The following PIAS1 variants were observed in gnomAD, a reference collection of about 807,000 sequenced individuals.
The protein encoded by PIAS1 is protein inhibitor of activated STAT 1.
Under a neutral mutation model 71.3 loss-of-function variants are expected in PIAS1, and 6 were observed. The observed-to-expected ratio is 0.08, with a 90% confidence interval of 0.05 to 0.17. The LOEUF (loss-of-function observed/expected upper bound fraction) is 0.17, where lower values mean the gene tolerates loss of function less well. PIAS1 is among the 10% of genes least tolerant of loss of function. The pLI is 1.00. For synonymous variants in PIAS1, 303 were observed against 292.9 expected, an observed-to-expected ratio of 1.03 and a Z score of -0.35; for missense variants, 555 against 793.6, an observed-to-expected ratio of 0.70 and a Z score of 3.61.
Position 68,118,378 on chromosome 15 carries a change from C to T in PIAS1, c.470-23568C>T, listed in dbSNP as rs183464889. On this transcript the variant is annotated intron_variant, in intron 2 of 13. Transcript: ENST00000249636. ...AAGAGTCACAGTCTTGCTCTGTCTC[C>T]GAGGCTAGAGTGCGGTGGCACAATC... is the stretch of plus-strand genomic sequence containing the variant. Among the ~76,000 whole-genome samples the T allele has an allele frequency of 3.9e-3, 591 of 152,052 alleles. 6 individuals are homozygous for T. Among genetic ancestry groups the T allele is most frequent in the African/African-American group, 0.013 (545 of 41,504 alleles).
chr15:68,158,830 G>A (rs2092907127), intron 7 of PIAS1, among the ~76,000 whole-genome samples: 1 of 152,168 alleles, frequency 6.6e-6, no homozygotes, highest in South Asian at 2.1e-4. Flanking sequence ...CAGAACACCA[G>A]TAATAGAACA....
chr15:68,098,634 A>G (rs2092397805), intron 2 of PIAS1, among the ~76,000 whole-genome samples: 1 of 152,178 alleles, frequency 6.6e-6, no homozygotes, highest in African/African-American at 2.4e-5. Flanking sequence ...TTTCACCCTT[A>G]TTTCAGTCAC....
intron 1 of PIAS1, among the ~76,000 whole-genome samples, chr15:68,078,352 C>T (rs751436477): frequency 6.6e-6 from 1 of 152,146 alleles, no homozygotes; most frequent in Non-Finnish European, 1.5e-5. Context: ...ATAAATCCTG[C>T]GTGTTGCCAT....
chr15:68,065,338 A>G (rs1370704966), intron 1 of PIAS1, among the ~76,000 whole-genome samples: 21 of 152,144 alleles, frequency 1.4e-4, no homozygotes. Flanking sequence ...CTGTAATTCC[A>G]GTGCTTTGGG....
intron 11 of PIAS1, 59 bp downstream of exon 11, chr15:68,176,713 G>T (rs879854019): frequency 8.9e-6 from 10 of 1,126,198 alleles, no homozygotes; most frequent in South Asian, 1.7e-5. Context: ...GGCAAATAGG[G>T]ATTAAAGACT....
chr15:68,055,872 A>G (rs1263216545), intron 1 of PIAS1: 1 of 699,192 alleles, frequency 1.4e-6, no homozygotes, highest in Non-Finnish European at 2.6e-6. Flanking sequence ...CTTTTCTCCT[A>G]ATAACTTCAC....
chr15:68,060,292 C>T (rs1051960138), intron 1 of PIAS1, among the ~76,000 whole-genome samples: 6 of 152,044 alleles, frequency 3.9e-5, no homozygotes, highest in Admixed American at 6.6e-5. Context: ...TGAGCCACCA[C>T]GCCCAGCTGA....
rs188663730 is a variant in PIAS1, at chr15:68,070,593, G to C, written c.25-15713G>C. Among the ~76,000 whole-genome samples, 8 of 152,140 alleles carry C rather than the reference G, an allele frequency of 5.3e-5. 1 individual carries two copies. The highest frequency in any genetic ancestry group is 4.6e-4 in the Admixed American group (7 of 15,276). ...TACTATGGCCACTAGTTCTGTGTGG[G>C]TATTGAGAACTTGAAATATGGTTAG... On this transcript the variant is annotated intron_variant, in intron 1 of 13. Coordinates refer to ENST00000249636, the MANE Select transcript of PIAS1 (RefSeq NM_016166.3).
At chr15:68,161,120 A>G (rs1193283510) in intron 7 of PIAS1, among the ~76,000 whole-genome samples, 1 of 152,250 alleles carries the variant, frequency 6.6e-6, no homozygotes, top group African/African-American at 2.4e-5. Context: ...TAGAGAATGC[A>G]TGGTCAATAT....
chr15:68,103,332 C>CT lies in PIAS1; in HGVS notation c.469+16595dup, dbSNP rs11306018. On this transcript the variant is annotated intron_variant, in intron 2 of 13. Coordinates refer to ENST00000249636, the MANE Select transcript of PIAS1 (RefSeq NM_016166.3). ...ATCTACCATGTTTTGTATTATTATC[C>CT]TTTTTTTTTTTTTAAGCTTTTCGTT... Among the ~76,000 whole-genome samples the CT allele has an allele frequency of 5.0e-3, 728 of 146,016 alleles. 1 individual carries two copies. The highest frequency in any genetic ancestry group is 0.017 in the African/African-American group (660 of 39,706).
chr15:68,182,462 CGGA>C (rs2093060323), intron 12 of PIAS1, among the ~76,000 whole-genome samples: 1 of 81,734 alleles, frequency 1.2e-5, no homozygotes, highest in African/African-American at 4.4e-5. Flanking sequence ...GTGTGTGTGT[CGGA>C]GTTTTGCTCT....
chr15:68,152,132 G>A (rs180817346), intron 6 of PIAS1, among the ~76,000 whole-genome samples: 146 of 151,364 alleles, frequency 9.6e-4, no homozygotes, highest in Non-Finnish European at 1.8e-3. Flanking sequence ...TGTATTTTTA[G>A]TAGAGACGGG....
Position 68,158,116 on chromosome 15 carries a change from C to T in PIAS1, c.934+4421C>T, listed in dbSNP as rs561219961. On this transcript the variant is annotated intron_variant, in intron 7 of 13. Coordinates refer to ENST00000249636, the MANE Select transcript of PIAS1 (RefSeq NM_016166.3). ...TCCCTTGCATTTCATGGCTTCTTAA[C>T]ACCAAGGGAATAAAAACTCCAAGTA... Among the ~76,000 whole-genome samples, 5 of 152,310 alleles carry T rather than the reference C, an allele frequency of 3.3e-5. No homozygotes were observed. The South Asian group carries it at 8.3e-4, about 25-fold the overall frequency.
chr15:68,177,554 A>G (rs984389807), intron 11 of PIAS1, among the ~76,000 whole-genome samples: 1 of 152,192 alleles, frequency 6.6e-6, no homozygotes, highest in Non-Finnish European at 1.5e-5. Flanking sequence ...CATTAGTCTT[A>G]TATCAATAAC....
At chr15:68,133,601 T>G (rs1466451098) in intron 2 of PIAS1, among the ~76,000 whole-genome samples, 1 of 152,122 alleles carries the variant, frequency 6.6e-6, no homozygotes, top group Non-Finnish European at 1.5e-5. Context: ...AGCACACATA[T>G]CCATAGGGAA....
intron 6 of PIAS1, among the ~76,000 whole-genome samples, chr15:68,148,257 C>A (rs187628059): frequency 6.6e-6 from 1 of 151,994 alleles, no homozygotes; most frequent in African/African-American, 2.4e-5. Context: ...AGGAAACTAC[C>A]CACACAACAG....
chr15:68,131,441 T>G (rs927082209), intron 2 of PIAS1, among the ~76,000 whole-genome samples: 2 of 151,634 alleles, frequency 1.3e-5, no homozygotes, highest in Non-Finnish European at 2.9e-5. Flanking sequence ...TTTAAAATGT[T>G]ACTAGCTATG....
chr15:68,146,844 CA>C, intron 6 of PIAS1, 144 bp downstream of exon 6: 1 of 707,846 alleles, frequency 1.4e-6, no homozygotes, highest in East Asian at 2.5e-5. Context: ...AACATGTTTC[CA>C]TTTGAAAAAT....
chr15:68,060,641 AAAAC>A (rs1290151043), intron 1 of PIAS1, among the ~76,000 whole-genome samples: 1 of 152,214 alleles, frequency 6.6e-6, no homozygotes, highest in Non-Finnish European at 1.5e-5. Flanking sequence ...AATCCCCCAA[AAAAC>A]AAACACTATA....
Sources: allele counts gnomAD v4.1 joint callset (sites outside exome capture counted in the v4.1 genomes callset), GRCh38; gene constraint gnomAD v4.1.1; transcripts MANE v1.5; gene names NCBI Gene and HGNC (gene_info 2026-07-23, HGNC 2026-07-21).